TFEC: variants seen among roughly 807,000 people sequenced by gnomAD.
The protein encoded by TFEC is transcription factor EC.
A neutral mutation model predicts 41.6 loss-of-function variants in TFEC; 31 were observed. The observed-to-expected ratio is 0.74, with a 90% CI of 0.56 to 1.01. The LOEUF (loss-of-function observed/expected upper bound fraction) is 1.01. Ranked by LOEUF, TFEC falls within the 50% of genes least tolerant of loss-of-function variation. The pLI is 0.00. For synonymous variants in TFEC, 143 were observed against 140.6 expected (o/e 1.02, Z -0.12); for missense variants, 402 against 404.1 (o/e 0.99, Z 0.04).
At chr7:116,051,889 T>A (rs1454321388) in intron 3 of TFEC, among the ~76,000 whole-genome samples, 1 of 151,926 alleles carries the variant, frequency 6.6e-6, no homozygotes, top group Non-Finnish European at 1.5e-5. Context: ...GTAAGTAACT[T>A]TTAGTGAGCC....
In TFEC at chr7:115,984,293, A is replaced by G. The variant is rs1025720765; in HGVS notation, c.149T>C (p.Ile50Thr). 4 of 1,613,972 alleles carry G rather than the reference A, an allele frequency of 2.5e-6. No homozygotes were observed. Among genetic ancestry groups the G allele is most frequent in the African/African-American group, 1.3e-5 (1 of 74,916 alleles). The change falls in exon 2 of 8, where the codon ATT becomes ACT. Residue 50 changes from isoleucine (I) to threonine (T), a missense_variant. By Grantham distance (89) the Ile-to-Thr change is moderately conservative. Transcript: ENST00000265440. ...TTGTGCATTGTCATCTTCTTTCCCA[A>G]TAGCTAGTAACTTGGTGAGTGGGTT... ...TENPLTKLLA[I>T]GKEDDNAQWH... is the part of the protein sequence containing the mutation.
chr7:115,987,603 C>T (rs573674965), intron 1 of TFEC, among the ~76,000 whole-genome samples: 1 of 152,176 alleles, frequency 6.6e-6, no homozygotes, highest in African/African-American at 2.4e-5. Flanking sequence ...AAATAGTATA[C>T]AGCATAGTCA....
intron 3 of TFEC, among the ~76,000 whole-genome samples, chr7:115,970,013 G>T (rs1015400124): frequency 2.0e-5 from 3 of 151,958 alleles, no homozygotes; most frequent in Non-Finnish European, 2.9e-5. Flanking sequence ...AACCACAAAA[G>T]ATATCAAGTA....
At chr7:116,032,885 G>A (rs1171062096), upstream of TFEC, among the ~76,000 whole-genome samples, 3 of 152,050 alleles carry the variant, frequency 2.0e-5, no homozygotes, top group South Asian at 4.1e-4. Flanking sequence ...ATAAAATATA[G>A]TTTTCATTTC....
intron 1 of TFEC, among the ~76,000 whole-genome samples, chr7:116,114,485 G>T (rs1797929553): frequency 6.6e-6 from 1 of 152,000 alleles, no homozygotes; most frequent in African/African-American, 2.4e-5. Context: ...GCGTAAGGGG[G>T]ATTGTTTTTC....
intron 4 of TFEC, among the ~76,000 whole-genome samples, chr7:115,955,469 C>T (rs1792172030): frequency 6.6e-6 from 1 of 152,038 alleles, no homozygotes; most frequent in Non-Finnish European, 1.5e-5. Context: ...CACTTGCCAA[C>T]AGGAAGCACT....
At chr7:116,110,167 T>G (rs1797820476) in intron 3 of TFEC, among the ~76,000 whole-genome samples, 1 of 152,202 alleles carries the variant, frequency 6.6e-6, no homozygotes, top group South Asian at 2.1e-4. Flanking sequence ...ATGGCACATG[T>G]ATACATATGT....
intron 1 of TFEC, among the ~76,000 whole-genome samples, chr7:116,132,661 A>G (rs1241784465): frequency 6.6e-6 from 1 of 152,364 alleles, no homozygotes; most frequent in South Asian, 2.1e-4. Context: ...TTTGCACAGT[A>G]AGTGCAAATA....
chr7:116,052,491 C>T (rs555624341), intron 3 of TFEC, among the ~76,000 whole-genome samples: 2 of 152,090 alleles, frequency 1.3e-5, no homozygotes, highest in Admixed American at 1.3e-4. Context: ...TGCAGTGGCG[C>T]AATCTCGGCT....
intron 3 of TFEC, among the ~76,000 whole-genome samples, chr7:116,060,987 G>A (rs921636940): frequency 6.6e-6 from 1 of 152,072 alleles, no homozygotes; most frequent in Non-Finnish European, 1.5e-5. Context: ...AATATTTGAA[G>A]AGGCATACTG....
intron 3 of TFEC, among the ~76,000 whole-genome samples, chr7:116,080,755 A>G (rs763243348): frequency 2.0e-5 from 3 of 152,118 alleles, no homozygotes; most frequent in Non-Finnish European, 4.4e-5. Flanking sequence ...GTAAACCAGC[A>G]CAACCTCTAT....
At chr7:116,043,375 T>C (rs1045844157) in intron 3 of TFEC, among the ~76,000 whole-genome samples, 15 of 151,882 alleles carry the variant, frequency 9.9e-5, no homozygotes, top group African/African-American at 3.6e-4. Flanking sequence ...AAGACCAAAG[T>C]TTTTTAAACC....
intron 1 of TFEC, among the ~76,000 whole-genome samples, chr7:116,129,468 T>G (rs1798284967): frequency 6.6e-6 from 1 of 151,916 alleles, no homozygotes. Flanking sequence ...CACTGTGTAT[T>G]AAAGATAATA....
intron 1 of TFEC, among the ~76,000 whole-genome samples, chr7:116,157,942 C>T (rs750357069): frequency 2.0e-5 from 3 of 152,150 alleles, no homozygotes; most frequent in Non-Finnish European, 4.4e-5. Context: ...ACATATCAGA[C>T]ACCTATCTTC....
chr7:116,012,552 T>C (rs1432152639), intron 1 of TFEC, among the ~76,000 whole-genome samples: 5 of 152,096 alleles, frequency 3.3e-5, no homozygotes. Context: ...AAAATCTACA[T>C]GCTGTAAAAT....
intron 1 of TFEC, among the ~76,000 whole-genome samples, chr7:116,010,311 A>G (rs1020173937): frequency 4.6e-5 from 7 of 152,134 alleles, no homozygotes; most frequent in Non-Finnish European, 1.0e-4. Flanking sequence ...AAAAAGCATT[A>G]CTTGAATGAG....
chr7:115,944,094 TAC>T (rs1489026133), intron 6 of TFEC, among the ~76,000 whole-genome samples: 3 of 145,542 alleles, frequency 2.1e-5, no homozygotes, highest in African/African-American at 7.5e-5. Flanking sequence ...TCTCGTATTC[TAC>T]ACCAACTATC....
intron 3 of TFEC, among the ~76,000 whole-genome samples, chr7:116,104,455 G>A (rs1029125139): frequency 2.6e-5 from 4 of 152,104 alleles, no homozygotes; most frequent in African/African-American, 9.7e-5. Flanking sequence ...ATTAGCATAA[G>A]CATGGCTACC....
intron 1 of TFEC, among the ~76,000 whole-genome samples, chr7:116,017,694 C>T (rs949515903): frequency 1.3e-5 from 2 of 152,110 alleles, no homozygotes; most frequent in African/African-American, 2.4e-5. Context: ...AAACACTATC[C>T]CCCAATACAG....
Sources: gnomAD v4.1 joint callset for allele counts (sites outside exome capture counted in the v4.1 genomes callset) on GRCh38, gnomAD v4.1.1 for gene constraint, MANE v1.5 for transcripts, NCBI Gene and HGNC (gene_info 2026-07-23, HGNC 2026-07-21) for gene names.